Variants in NRK observed in about 807,000 individuals in gnomAD.
NRK encodes Nik related kinase.
In NRK, 67 loss-of-function variants were observed where a neutral mutation model predicts 125.2. That is an observed-to-expected ratio of 0.54 (90% confidence interval 0.44 to 0.66). The LOEUF is 0.66. Ranked by LOEUF, NRK falls within the 30% of genes least tolerant of loss-of-function variation. NRK has a pLI of 0.00. For synonymous variants in NRK, 458 were observed against 429.0 expected, an observed-to-expected ratio of 1.07 and a Z score of -0.84; for missense variants, 1,224 against 1,192.9, an observed-to-expected ratio of 1.03 and a Z score of -0.38.
intron 19 of NRK, among the ~76,000 whole-genome samples, chrX:105,930,830 C>T (rs2040585582): frequency 9.0e-6 from 1 of 111,496 alleles, no homozygotes; most frequent in South Asian, 3.9e-4. Flanking sequence ...CTGTAATATA[C>T]ATTAGCAACG....
intron 28 of NRK, among the ~76,000 whole-genome samples, chrX:105,953,610 A>G (rs1204108010): frequency 1.8e-5 from 2 of 112,045 alleles, no homozygotes; most frequent in East Asian, 2.8e-4. Flanking sequence ...ACTTAATTGT[A>G]TAGTAGGCCT....
At chrX:105,886,532 GTGTA>G (rs2039948361) in intron 4 of NRK, among the ~76,000 whole-genome samples, 1 of 102,597 alleles carries the variant, frequency 9.7e-6, no homozygotes, top group Admixed American at 1.1e-4. Flanking sequence ...ATACGTGTGT[GTGTA>G]TGTGTGTGTG....
chrX:105,894,271 A>G (rs891707871), intron 6 of NRK, among the ~76,000 whole-genome samples: 2 of 112,140 alleles, frequency 1.8e-5, no homozygotes, highest in African/African-American at 6.5e-5. Context: ...AAAACATAGC[A>G]CAAGCATCAT....
chrX:105,901,273 A>G (rs1397495659), intron 9 of NRK, among the ~76,000 whole-genome samples: 1 of 110,617 alleles, frequency 9.0e-6, no homozygotes, highest in Non-Finnish European at 1.9e-5. Context: ...ACCTGTTAGC[A>G]TCCTGTTCTC....
rs191847747 is a variant in NRK at position 105,953,262 on chromosome X, C to T, written c.4653+89C>T. On this transcript the variant is annotated intron_variant, in intron 28 of 28. Transcript: ENST00000243300. ...GAAATTTCTGTCCTTTTCCTTCTGGCTATAAATATATTTGTGGTATATTTT... is the reference window on the plus strand; with the variant it reads ...GAAATTTCTGTCCTTTTCCTTCTGGTTATAAATATATTTGTGGTATATTTT... The T allele has an allele frequency of 2.8e-4, 198 of 705,912 alleles. No homozygotes were observed. In the African/African-American group the frequency reaches 4.0e-3, roughly 14 times the overall value. The allele number at this position is 705,912 out of a possible 1,213,427, so 58.2% of individuals were successfully genotyped here.
chrX:105,854,070 T>A (rs1251020110), intron 2 of NRK, among the ~76,000 whole-genome samples: 1 of 111,780 alleles, frequency 8.9e-6, no homozygotes, highest in African/African-American at 3.3e-5. Flanking sequence ...CTGCAGTAAA[T>A]TTCCCAGTGC....
At chrX:105,863,398 C>G (rs2147683137) in intron 2 of NRK, among the ~76,000 whole-genome samples, 1 of 110,203 alleles carries the variant, frequency 9.1e-6, no homozygotes, top group South Asian at 3.9e-4. Context: ...GTTACCCATT[C>G]CCATGTGTTA....
intron 19 of NRK, among the ~76,000 whole-genome samples, chrX:105,929,102 T>C (rs759391953): frequency 8.9e-6 from 1 of 111,861 alleles, no homozygotes; most frequent in East Asian, 2.8e-4. Flanking sequence ...CAACTATTAT[T>C]ATATTGTAGT....
chrX:105,912,600 T>C, intron 13 of NRK, 48 bp from the exon 14 acceptor site: 1 of 606,864 alleles, frequency 1.6e-6, no homozygotes, highest in Non-Finnish European at 2.5e-6. Context: ...TCCTATCACT[T>C]GCATTTTAAC....
At chrX:105,925,064 C>T (rs1421484353) in intron 19 of NRK, 33 bp downstream of exon 19, 1 of 1,020,113 alleles carries the variant, frequency 9.8e-7, no homozygotes, top group East Asian at 3.0e-5. Flanking sequence ...GATTGAACTC[C>T]TCTCATTGCG....
At position 105,895,442 on chromosome X, in the gene NRK, C is replaced by T. The variant is rs1489976753; in HGVS notation, c.499C>T (p.His167Tyr). The change falls in exon 7 of 29, where the codon CAC becomes TAC. Residue 167 changes from histidine to tyrosine, a missense_variant. Physicochemically the swap from His to Tyr is moderately conservative, Grantham distance 83. Coordinates refer to ENST00000243300, the MANE Select transcript of NRK (RefSeq NM_198465.4). ...ICREILQGLA[H>Y]LHAHRVIHRD... is the part of the protein sequence containing the mutation. Reference sequence around the variant, plus strand: ...TAAAAAATATATACAGGGCTTAGCTCACCTTCACGCACACCGAGTAATTCA... The same window carrying T: ...TAAAAAATATATACAGGGCTTAGCTTACCTTCACGCACACCGAGTAATTCA... The T allele has an allele frequency of 8.4e-7, 1 of 1,193,600 alleles. No individual in the cohort carries two copies. Among genetic ancestry groups the T allele is most frequent in the East Asian group, 3.0e-5 (1 of 33,756 alleles).
intron 2 of NRK, among the ~76,000 whole-genome samples, chrX:105,875,808 T>C (rs1276158678): frequency 9.0e-6 from 1 of 111,045 alleles, no homozygotes; most frequent in Non-Finnish European, 1.9e-5. Flanking sequence ...TTACTACCTA[T>C]TGTCTTCTGT....
chrX:105,826,088 A>ACATATATACATATG (rs1399595886), intron 1 of NRK, among the ~76,000 whole-genome samples: 1 of 97,202 alleles, frequency 1.0e-5, no homozygotes, highest in Non-Finnish European at 2.0e-5. Context: ...ACACACACAC[A>ACATATATACATATG]CATATATACA....
At chrX:105,954,769 T>C (rs1009231774) in intron 28 of NRK, among the ~76,000 whole-genome samples, 15 of 111,488 alleles carry the variant, frequency 1.3e-4, no homozygotes, top group African/African-American at 4.6e-4. Context: ...TAATTTTCTT[T>C]ATGGTACAGA....
chrX:105,935,362 A>AACC, intron 21 of NRK, 37 bp downstream of exon 21: 2 of 968,711 alleles, frequency 2.1e-6, no homozygotes, highest in Non-Finnish European at 2.9e-6. Context: ...ATATATTTTT[A>AACC]TGTAGCAAAC....
In NRK at chrX:105,905,291, G is replaced by A; in HGVS notation, c.793G>A (p.Ala265Thr). Residue 265 changes from alanine to threonine, a missense_variant, in exon 10 of 29, where the codon GCT (alanine) becomes ACT (threonine). Physicochemically the swap from Ala to Thr is moderately conservative, Grantham distance 58. Coordinates refer to ENST00000243300, the MANE Select transcript of NRK (RefSeq NM_198465.4). ...PPLCNLQPLE[A>T]LFVILRESAP... ...TCTGTGTAACCTTCAACCCTTGGAA[G>A]CTCTCTTCGTTATTTTGCGGGAATC... 1 of 1,207,396 alleles carries A rather than the reference G, an allele frequency of 8.3e-7. No individual in the cohort carries two copies.
chrX:105,833,540 A>G (rs958493198), intron 2 of NRK, among the ~76,000 whole-genome samples: 1 of 111,482 alleles, frequency 9.0e-6, no homozygotes, highest in Non-Finnish European at 1.9e-5. Flanking sequence ...CATATAAGGT[A>G]AGAAGCAAGG....
chrX:105,937,861 T>G, intron 22 of NRK, among the ~76,000 whole-genome samples: 1 of 111,845 alleles, frequency 8.9e-6, no homozygotes, highest in Non-Finnish European at 1.9e-5. Context: ...CAACTTCAGA[T>G]TTCTAATTTT....
chrX:105,822,213 G>A (rs982569523), upstream of NRK, among the ~76,000 whole-genome samples: 36 of 111,131 alleles, frequency 3.2e-4, no homozygotes, highest in African/African-American at 1.1e-3. Context: ...GGCGCGGAGC[G>A]AGACCGGTTT....
Sources: gnomAD v4.1 joint callset for allele counts (sites outside exome capture counted in the v4.1 genomes callset) on GRCh38, gnomAD v4.1.1 for gene constraint, MANE v1.5 for transcripts, NCBI Gene and HGNC (gene_info 2026-07-23, HGNC 2026-07-21) for gene names.